Variants in FBN1 observed in about 807,000 individuals in gnomAD.
FBN1 encodes the protein fibrillin-1.
FBN1 carries 29 observed loss-of-function variants against 365.1 expected under a neutral mutation model. That is an observed-to-expected ratio of 0.08 (90% confidence interval 0.06 to 0.11). The LOEUF (loss-of-function observed/expected upper bound fraction) is 0.11, where lower values mean the gene tolerates loss of function less well. Ranked by LOEUF, FBN1 falls within the 10% of genes least tolerant of loss-of-function variation. The pLI, the probability that FBN1 is intolerant of heterozygous loss-of-function variation, is 1.00. For synonymous variants in FBN1, 1,210 were observed against 1,270.5 expected (o/e 0.95, Z 1.01); for missense variants, 2,476 against 3,703.2 (o/e 0.67, Z 8.60).
At chr15:48,478,273 A>G (rs953971951) in intron 32 of FBN1, among the ~76,000 whole-genome samples, 3 of 152,226 alleles carry the variant, frequency 2.0e-5, no homozygotes, top group Non-Finnish European at 4.4e-5. Context: ...AAGGAAAATT[A>G]GCAGTGATAA....
chr15:48,639,399 C>A (rs997315885), intron 2 of FBN1, among the ~76,000 whole-genome samples: 2 of 152,164 alleles, frequency 1.3e-5, no homozygotes, highest in Admixed American at 1.3e-4. Flanking sequence ...CCTACCATGG[C>A]TGCAATTGTT....
rs1322926954 is a variant in FBN1 at position 48,408,795 on chromosome 15, A to G, written c.*2195T>C. 1 of 152,676 alleles carries G rather than the reference A, an allele frequency of 6.5e-6. No homozygotes were observed. Among genetic ancestry groups the G allele is most frequent in the African/African-American group, 2.4e-5 (1 of 41,466 alleles). 9.5% of individuals were successfully genotyped at this position (152,676 alleles called of 1,614,324 possible). A position where few individuals can be genotyped will look rare whatever the true frequency, so the allele number is the denominator to read the frequency against. Reference sequence around the variant, plus strand: ...AAAATCCAGACTTGGACTATTAAAAATATCAAAGTGATCCACTGTGTGCCA... The same window carrying G: ...AAAATCCAGACTTGGACTATTAAAAGTATCAAAGTGATCCACTGTGTGCCA... On this transcript the variant is annotated 3_prime_UTR_variant, in exon 66 of 66. Coordinates refer to ENST00000316623, the MANE Select transcript of FBN1 (RefSeq NM_000138.5).
chr15:48,426,701 T>C (rs1006741468), intron 58 of FBN1, among the ~76,000 whole-genome samples: 1 of 152,168 alleles, frequency 6.6e-6, no homozygotes, highest in Admixed American at 6.5e-5. Context: ...ACAAGTCTAC[T>C]CTGAAGTGCA....
intron 22 of FBN1, 115 bp from the exon 23 acceptor site, chr15:48,494,369 A>ATTGTG (rs2043586003): frequency 1.3e-6 from 1 of 795,814 alleles, no homozygotes; most frequent in African/African-American, 1.7e-5. Flanking sequence ...CATGAAGTAG[A>ATTGTG]TTGTGTTGCT....
chr15:48,425,326 G>A (rs1238976197), intron 60 of FBN1, 43 bp downstream of exon 60: 1 of 1,613,666 alleles, frequency 6.2e-7, no homozygotes, highest in Non-Finnish European at 8.5e-7. Context: ...ATGCAGCCAT[G>A]TGTCAGGAGC....
rs2043518325 is a variant in FBN1, at chr15:48,487,422, T to C, written c.3353A>G (p.Gln1118Arg). Reference sequence around the variant, plus strand: ...ACCTCGGCATAGGAGAGGATCTCTCTGACACTCATCAATATCTGCAAAATG... The same window carrying C: ...ACCTCGGCATAGGAGAGGATCTCTCCGACACTCATCAATATCTGCAAAATG... Reference protein sequence around the residue: ...MKNCMDIDECQRDPLLCRGGV... With the variant: ...MKNCMDIDECRRDPLLCRGGV... The change falls in exon 28 of 66, where the codon CAG becomes CGG. Residue 1118 changes from glutamine (Q) to arginine (R), a missense_variant. This residue lies in a region of FBN1 where 1,780 missense variants were observed against 2,840.8 expected (regional missense o/e 0.63). Transcript: ENST00000316623. The C allele has an allele frequency of 1.2e-6, 2 of 1,614,096 alleles. No individual in the cohort carries two copies. The highest frequency in any genetic ancestry group is 1.7e-6 in the Non-Finnish European group (2 of 1,180,008).
intron 6 of FBN1, among the ~76,000 whole-genome samples, chr15:48,567,490 A>G (rs1227404985): frequency 1.3e-5 from 2 of 152,132 alleles, no homozygotes. Context: ...CCCTGATACC[A>G]AAGCCAGACG....
At chr15:48,572,780 A>G (rs763397433) in intron 6 of FBN1, among the ~76,000 whole-genome samples, 11 of 152,194 alleles carry the variant, frequency 7.2e-5, no homozygotes, top group South Asian at 2.1e-4. Flanking sequence ...AGAGGGACAT[A>G]AGCTTTATCT....
chr15:48,599,319 A>G (rs1597625234), intron 5 of FBN1, among the ~76,000 whole-genome samples: 1 of 152,220 alleles, frequency 6.6e-6, no homozygotes, highest in African/African-American at 2.4e-5. Flanking sequence ...GGCAACCATT[A>G]AAATGTATTT....
intron 4 of FBN1, among the ~76,000 whole-genome samples, chr15:48,609,947 T>C (rs1566937544): frequency 6.6e-6 from 1 of 152,176 alleles, no homozygotes; most frequent in African/African-American, 2.4e-5. Flanking sequence ...TTCCACAATG[T>C]TTTTCTTTAA....
chr15:48,553,778 C>T (rs904653413), intron 6 of FBN1, among the ~76,000 whole-genome samples: 1 of 152,018 alleles, frequency 6.6e-6, no homozygotes, highest in Admixed American at 6.6e-5. Context: ...CCCTTTAATA[C>T]AGGAAATTCC....
At chr15:48,591,039 A>C (rs1018050093) in intron 6 of FBN1, among the ~76,000 whole-genome samples, 1 of 152,236 alleles carries the variant, frequency 6.6e-6, no homozygotes, top group Non-Finnish European at 1.5e-5. Flanking sequence ...CAGATGGAGA[A>C]ATGAGAGAAA....
intron 6 of FBN1, among the ~76,000 whole-genome samples, chr15:48,545,545 T>A (rs373956039): frequency 5.9e-5 from 9 of 152,150 alleles, no homozygotes; most frequent in East Asian, 3.8e-4. Flanking sequence ...AGTGCAATGA[T>A]GGTTGCCAGG....
intron 45 of FBN1, among the ~76,000 whole-genome samples, chr15:48,451,262 C>T (rs184237146): frequency 5.2e-4 from 79 of 152,244 alleles, no homozygotes; most frequent in African/African-American, 1.8e-3. Context: ...TTATTTCATC[C>T]AGTTCTAAAG....
At chr15:48,577,917 A>C (rs887926580) in intron 6 of FBN1, among the ~76,000 whole-genome samples, 3 of 152,196 alleles carry the variant, frequency 2.0e-5, no homozygotes, top group Non-Finnish European at 4.4e-5. Flanking sequence ...AGCAGTCTTC[A>C]GCTGGCACCA....
chr15:48,481,776 G>T lies in FBN1; in HGVS notation c.3843C>A (p.Val1281=). 6.2e-7 allele frequency: 1 copy of T among 1,613,036 alleles called. No homozygotes were observed. The highest frequency in any genetic ancestry group is 1.1e-5 in the South Asian group (1 of 91,042). ...TATTTGGATTCAGGTCACACTCATT[G>T]ACATCTGTAAAACATATATACTATT... ...ASEDMKTCVD[V]NECDLNPNIC... The change falls in exon 32 of 66, where the codon GTC becomes GTA. Residue 1281 remains valine, a synonymous_variant. Coordinates refer to ENST00000316623, the MANE Select transcript of FBN1 (RefSeq NM_000138.5).
At chr15:48,414,124 G>T (rs960102764) in intron 64 of FBN1, among the ~76,000 whole-genome samples, 1 of 152,214 alleles carries the variant, frequency 6.6e-6, no homozygotes. Flanking sequence ...TAAGAAGTGT[G>T]ACTACAAAAT....
chr15:48,582,586 C>G (rs565103537), intron 6 of FBN1, among the ~76,000 whole-genome samples: 2 of 152,136 alleles, frequency 1.3e-5, no homozygotes, highest in Admixed American at 6.6e-5. Context: ...GTGGTGGCCA[C>G]GACTTGTCCA....
intron 6 of FBN1, among the ~76,000 whole-genome samples, chr15:48,557,561 T>C (rs2044190863): frequency 6.6e-6 from 1 of 152,172 alleles, no homozygotes; most frequent in Non-Finnish European, 1.5e-5. Context: ...CAAGCGCCAT[T>C]CAAGCCAGGA....
Sources: gnomAD v4.1 joint callset for allele counts (sites outside exome capture counted in the v4.1 genomes callset) on GRCh38, gnomAD v4.1.1 for gene constraint, gnomAD v4.1.1 regional missense constraint, MANE v1.5 for transcripts, NCBI Gene and HGNC (gene_info 2026-07-23, HGNC 2026-07-21) for gene names.